Variants in STX8 observed in about 807,000 individuals in gnomAD.
STX8 encodes syntaxin-8.
A neutral mutation model predicts 37.5 loss-of-function variants in STX8; 23 were observed. The observed-to-expected ratio is 0.61, with a 90% confidence interval of 0.44 to 0.87. The LOEUF (loss-of-function observed/expected upper bound fraction) is 0.87. Among genes scored for constraint, STX8 ranks in the 40% least tolerant of loss-of-function variants. The pLI is 0.00. For missense variants in STX8, 313 were observed against 284.7 expected, an observed-to-expected ratio of 1.10 and a Z score of -0.71; for synonymous variants, 115 against 99.1, an observed-to-expected ratio of 1.16 and a Z score of -0.95.
At position 9,379,080 on chromosome 17, in the gene STX8, A is replaced by G. The variant is rs566541200; in HGVS notation, c.542-427T>C. Among the ~76,000 whole-genome samples the G allele has an allele frequency of 2.0e-5, 3 of 152,134 alleles. No individual in the cohort carries two copies. In the South Asian group the frequency reaches 6.2e-4, roughly 32 times the overall value. ...GCCAACATAGTGAAACCTTTTCTCT[A>G]CTAAAAATACAAAAATTAGCCGGGT... On this transcript the variant is annotated intron_variant, in intron 6 of 7. Coordinates refer to ENST00000306357, the MANE Select transcript of STX8 (RefSeq NM_004853.3).
At chr17:9,429,252 T>A (rs1431734621) in intron 6 of STX8, among the ~76,000 whole-genome samples, 1 of 147,844 alleles carries the variant, frequency 6.8e-6, no homozygotes, top group East Asian at 1.9e-4. Context: ...ATATCTAAAA[T>A]GGCAAAATGG....
intron 4 of STX8, among the ~76,000 whole-genome samples, chr17:9,540,146 C>T (rs893190495): frequency 6.6e-6 from 1 of 152,140 alleles, no homozygotes; most frequent in South Asian, 2.1e-4. Context: ...ACAACAGCAA[C>T]TCTGACCTCA....
At chr17:9,459,150 A>G (rs1325819284) in intron 6 of STX8, among the ~76,000 whole-genome samples, 1 of 152,164 alleles carries the variant, frequency 6.6e-6, no homozygotes, top group African/African-American at 2.4e-5. Context: ...TTATTTTAAC[A>G]GAAAGAATTT....
intron 6 of STX8, among the ~76,000 whole-genome samples, chr17:9,477,125 T>C (rs1470988524): frequency 6.6e-6 from 1 of 152,174 alleles, no homozygotes; most frequent in Non-Finnish European, 1.5e-5. Flanking sequence ...CTCAAAGTGC[T>C]AGGATTACAG....
At chr17:9,405,193 G>A (rs898640758) in intron 6 of STX8, among the ~76,000 whole-genome samples, 9 of 152,132 alleles carry the variant, frequency 5.9e-5, no homozygotes, top group Non-Finnish European at 1.3e-4. Flanking sequence ...TTCTATCGGG[G>A]TTCTCTTCCA....
At chr17:9,419,453 G>A (rs1913343983) in intron 6 of STX8, among the ~76,000 whole-genome samples, 1 of 152,204 alleles carries the variant, frequency 6.6e-6, no homozygotes, top group South Asian at 2.1e-4. Context: ...TTAACAAGGT[G>A]TGTTTTGGGG....
intron 7 of STX8, among the ~76,000 whole-genome samples, chr17:9,320,060 C>A (rs1221830996): frequency 6.6e-6 from 1 of 151,692 alleles, no homozygotes; most frequent in Non-Finnish European, 1.5e-5. Flanking sequence ...TGGCCAGGTG[C>A]TGTGTGGCTC....
chr17:9,573,597 C>T (rs896864296), intron 1 of STX8, among the ~76,000 whole-genome samples: 2 of 152,192 alleles, frequency 1.3e-5, no homozygotes, highest in African/African-American at 4.8e-5. Flanking sequence ...CCTCCTGAGG[C>T]TGTGTCATGG....
chr17:9,412,203 A>ATT (rs1246185845), intron 6 of STX8, among the ~76,000 whole-genome samples: 1 of 152,228 alleles, frequency 6.6e-6, no homozygotes, highest in African/African-American at 2.4e-5. Flanking sequence ...TCTTTGCATT[A>ATT]TTTTTGCAAC....
At chr17:9,438,538 T>C (rs1372450260) in intron 6 of STX8, among the ~76,000 whole-genome samples, 2 of 152,150 alleles carry the variant, frequency 1.3e-5, no homozygotes, top group South Asian at 2.1e-4. Context: ...TTTTCTGCAA[T>C]GGGCCAGGTG....
chr17:9,562,129 C>T (rs988588040), intron 2 of STX8, among the ~76,000 whole-genome samples: 5 of 150,766 alleles, frequency 3.3e-5, no homozygotes, highest in Admixed American at 2.0e-4. Context: ...TTCGGCCGGG[C>T]GCAGTGGCTC....
intron 6 of STX8, among the ~76,000 whole-genome samples, chr17:9,396,278 C>G (rs1912397297): frequency 6.9e-6 from 1 of 145,826 alleles, no homozygotes; most frequent in Non-Finnish European, 1.5e-5. Context: ...TCTGGAAAGG[C>G]AAAACTATAG....
chr17:9,570,547 T>G (rs1225357032), intron 1 of STX8, among the ~76,000 whole-genome samples: 1 of 152,134 alleles, frequency 6.6e-6, no homozygotes, highest in Non-Finnish European at 1.5e-5. Context: ...TATATATATA[T>G]TCATGTATTT....
intron 5 of STX8, among the ~76,000 whole-genome samples, chr17:9,494,336 A>C (rs1906999303): frequency 6.6e-6 from 1 of 151,348 alleles, no homozygotes; most frequent in African/African-American, 2.4e-5. Context: ...TTCTTAAGTA[A>C]AAAAGCAGGA....
chr17:9,517,498 C>T (rs73973800), intron 4 of STX8, among the ~76,000 whole-genome samples: 5,357 of 152,104 alleles, frequency 0.035, 296 homozygotes, highest in African/African-American at 0.12. Flanking sequence ...CGCACACAGC[C>T]CTGTGTGTAA....
intron 7 of STX8, among the ~76,000 whole-genome samples, chr17:9,263,915 C>G (rs1907136489): frequency 6.6e-6 from 1 of 152,158 alleles, no homozygotes; most frequent in South Asian, 2.1e-4. Context: ...CCTGATAAGC[C>G]CTTTGTGACT....
At chr17:9,287,300 T>C (rs1369233081) in intron 7 of STX8, among the ~76,000 whole-genome samples, 2 of 152,092 alleles carry the variant, frequency 1.3e-5, no homozygotes, top group East Asian at 1.9e-4. Flanking sequence ...TTAAAGACTA[T>C]ATGAGGGCCA....
intron 2 of STX8, among the ~76,000 whole-genome samples, chr17:9,560,878 C>T (rs913030201): frequency 6.6e-6 from 1 of 151,814 alleles, no homozygotes; most frequent in African/African-American, 2.4e-5. Flanking sequence ...CAAAAAACTA[C>T]AATAGCTGAT....
Position 9,505,066 on chromosome 17 carries a change from G to T in STX8, c.420C>A (p.Ile140=). ...GGATAATTTTCTGCTGCTGTTGCCG[G>T]ATTTCATCAAAACCCAAGCCTCTGG... is the stretch of plus-strand genomic sequence containing the variant. The part of the protein sequence containing the change: ...EETRGLGFDE[I]RQQQQKIIQE... The change falls in exon 5 of 8, where the codon ATC becomes ATA. Residue 140 remains isoleucine (I), a synonymous_variant. Coordinates refer to ENST00000306357, the MANE Select transcript of STX8 (RefSeq NM_004853.3). The T allele has an allele frequency of 6.2e-7, 1 of 1,612,586 alleles. No individual in the cohort carries two copies. The highest frequency in any genetic ancestry group is 8.5e-7 in the Non-Finnish European group (1 of 1,179,402).
Sources: allele counts gnomAD v4.1 joint callset (sites outside exome capture counted in the v4.1 genomes callset), GRCh38; gene constraint gnomAD v4.1.1; transcripts MANE v1.5; gene names NCBI Gene and HGNC (gene_info 2026-07-23, HGNC 2026-07-21).